ANKS1B: variants seen among roughly 807,000 people sequenced by gnomAD.
ANKS1B encodes ankyrin repeat and sterile alpha motif domain containing 1B.
A neutral mutation model predicts 148.3 loss-of-function variants in ANKS1B; 36 were observed. The ratio of observed to expected loss-of-function variants is 0.24; its 90% CI spans 0.19 to 0.32. The LOEUF (loss-of-function observed/expected upper bound fraction) is 0.32, where lower values mean the gene tolerates loss of function less well. ANKS1B is among the 10% of genes least tolerant of loss of function. The probability of loss-of-function intolerance (pLI) is 1.00; values close to 1 mark genes in which losing one functional copy is unlikely to be tolerated. For synonymous variants in ANKS1B, 542 were observed against 560.8 expected (o/e 0.97, Z 0.47); for missense variants, 1,157 against 1,542.6 (o/e 0.75, Z 4.19).
intron 10 of ANKS1B, among the ~76,000 whole-genome samples, chr12:99,460,500 C>T (rs1426082410): frequency 6.6e-6 from 1 of 151,716 alleles, no homozygotes; most frequent in East Asian, 1.9e-4. Flanking sequence ...GGGAGAAAAT[C>T]TTCACAATCT....
intron 9 of ANKS1B, among the ~76,000 whole-genome samples, chr12:99,568,065 G>A (rs368290158): frequency 6.6e-6 from 1 of 152,172 alleles, no homozygotes; most frequent in African/African-American, 2.4e-5. Flanking sequence ...TATTGCTGCT[G>A]TAACAAATTT....
intron 12 of ANKS1B, among the ~76,000 whole-genome samples, chr12:99,396,558 C>G (rs2094249577): frequency 1.3e-5 from 2 of 152,094 alleles, no homozygotes; most frequent in African/African-American, 2.4e-5. Context: ...GATTTCAGTT[C>G]TGTTTAAAGG....
At chr12:99,688,577 C>T (rs1251403912) in intron 8 of ANKS1B, among the ~76,000 whole-genome samples, 1 of 152,140 alleles carries the variant, frequency 6.6e-6, no homozygotes, top group East Asian at 1.9e-4. Context: ...TGTCTCAAGC[C>T]TGTAATCCTA....
intron 9 of ANKS1B, among the ~76,000 whole-genome samples, chr12:99,598,411 A>G (rs2097774573): frequency 1.3e-5 from 2 of 152,074 alleles, no homozygotes; most frequent in African/African-American, 2.4e-5. Context: ...ATCTCTTTCA[A>G]TCCTCACAAC....
chr12:98,779,970 T>G (rs1029765876), intron 24 of ANKS1B, among the ~76,000 whole-genome samples: 1 of 152,176 alleles, frequency 6.6e-6, no homozygotes, highest in African/African-American at 2.4e-5. Flanking sequence ...CCAAGCAGAT[T>G]TGGGGAACTT....
chr12:99,584,476 G>A (rs1193223960), intron 9 of ANKS1B, among the ~76,000 whole-genome samples: 1 of 152,028 alleles, frequency 6.6e-6, no homozygotes, highest in Non-Finnish European at 1.5e-5. Flanking sequence ...CTGCATGCCT[G>A]TAGTCCCAAC....
chr12:99,285,765 G>A (rs1414797106), intron 12 of ANKS1B, among the ~76,000 whole-genome samples: 1 of 152,104 alleles, frequency 6.6e-6, no homozygotes, highest in Admixed American at 6.6e-5. Flanking sequence ...GAGGAAGAGA[G>A]CAGTAATTGT....
intron 9 of ANKS1B, among the ~76,000 whole-genome samples, chr12:99,632,411 G>T (rs534577465): frequency 3.3e-5 from 5 of 152,072 alleles, no homozygotes; most frequent in African/African-American, 1.2e-4. Flanking sequence ...CTGCTGCAGA[G>T]AATCCTCACT....
At chr12:99,768,852 A>T (rs12367442) in intron 8 of ANKS1B, among the ~76,000 whole-genome samples, 1 of 145,398 alleles carries the variant, frequency 6.9e-6, no homozygotes, top group Admixed American at 7.0e-5. Context: ...AAAAAAACAC[A>T]TCAGGAGAAC....
At chr12:99,276,024 A>G (rs2077625691) in intron 12 of ANKS1B, among the ~76,000 whole-genome samples, 3 of 152,206 alleles carry the variant, frequency 2.0e-5, no homozygotes, top group Admixed American at 6.5e-5. Context: ...TAAGAAGTAA[A>G]CTTTTCAAGA....
intron 12 of ANKS1B, among the ~76,000 whole-genome samples, chr12:99,328,333 G>A (rs1036101058): frequency 1.3e-5 from 2 of 151,816 alleles, no homozygotes; most frequent in Non-Finnish European, 2.9e-5. Context: ...TGAGCAAAAC[G>A]TCGAAGATCC....
intron 12 of ANKS1B, among the ~76,000 whole-genome samples, chr12:99,397,153 T>C (rs1593929889): frequency 6.6e-6 from 1 of 152,156 alleles, no homozygotes; most frequent in Admixed American, 6.6e-5. Flanking sequence ...CAAAGAATTA[T>C]GTTAATATCA....
intron 8 of ANKS1B, among the ~76,000 whole-genome samples, chr12:99,700,591 TA>T (rs1326993448): frequency 1.3e-5 from 2 of 152,218 alleles, no homozygotes; most frequent in East Asian, 1.9e-4. Flanking sequence ...CAGCACATAA[TA>T]TTTTTTTTCT....
intron 10 of ANKS1B, among the ~76,000 whole-genome samples, chr12:99,481,026 T>A (rs2096401787): frequency 6.6e-6 from 1 of 151,606 alleles, no homozygotes. Flanking sequence ...AGCAAATGTC[T>A]TTTTTTAAAA....
intron 8 of ANKS1B, among the ~76,000 whole-genome samples, chr12:99,707,542 C>A (rs1368564493): frequency 6.6e-6 from 1 of 151,972 alleles, no homozygotes; most frequent in Non-Finnish European, 1.5e-5. Context: ...AGCATACATT[C>A]TAATTACAAC....
chr12:99,567,559 GAAGTA>G lies in ANKS1B; in HGVS notation c.1273-62923_1273-62919del, dbSNP rs545260220. Among the ~76,000 whole-genome samples, 55 of 152,222 alleles carry G rather than the reference GAAGTA, an allele frequency of 3.6e-4. 1 individual carries two copies. In the East Asian group the frequency reaches 0.01, roughly 29 times the overall value. ...AGTGGTGCTGAACAACCTTGGTTCA[GAAGTA>G]AAGAATCTTGACACTAGAACTAATC... On this transcript the variant is annotated intron_variant, in intron 9 of 26. Coordinates refer to ENST00000683438, the MANE Select transcript of ANKS1B (RefSeq NM_001352186.2).
intron 17 of ANKS1B, among the ~76,000 whole-genome samples, chr12:98,841,123 C>T (rs1228159263): frequency 6.6e-6 from 1 of 152,100 alleles, no homozygotes; most frequent in African/African-American, 2.4e-5. Context: ...AGGGTATTTT[C>T]TAACTTTATT....
At chr12:99,409,192 T>C (rs939604154) in intron 11 of ANKS1B, among the ~76,000 whole-genome samples, 1 of 152,162 alleles carries the variant, frequency 6.6e-6, no homozygotes, top group African/African-American at 2.4e-5. Flanking sequence ...ATCCTGTCAT[T>C]TGCAACAACA....
intron 25 of ANKS1B, among the ~76,000 whole-genome samples, chr12:98,764,030 A>G (rs1421590682): frequency 6.6e-6 from 1 of 152,208 alleles, no homozygotes; most frequent in Non-Finnish European, 1.5e-5. Context: ...CCACAGCCTA[A>G]GGTGGCTGGC....
Sources: gnomAD v4.1 joint callset for allele counts (sites outside exome capture counted in the v4.1 genomes callset) on GRCh38, gnomAD v4.1.1 for gene constraint, MANE v1.5 for transcripts, NCBI Gene and HGNC (gene_info 2026-07-23, HGNC 2026-07-21) for gene names.